DCDC2C: variants seen among roughly 807,000 people sequenced by gnomAD.
The protein encoded by DCDC2C is doublecortin domain-containing protein 2C.
Under a neutral mutation model 45.0 loss-of-function variants are expected in DCDC2C, and 44 were observed. That is an observed-to-expected ratio of 0.98 (90% CI 0.77 to 1.26). DCDC2C has a LOEUF of 1.26. Among genes scored for constraint, DCDC2C ranks in the 50% most tolerant of loss-of-function variants. The pLI, the probability that DCDC2C is intolerant of heterozygous loss-of-function variation, is 0.00. For missense variants in DCDC2C, 447 were observed against 468.9 expected (o/e 0.95, Z 0.43); for synonymous variants, 187 against 178.8 (o/e 1.05, Z -0.37).
chr2:3,741,072 C>T (rs1669191703), intron 3 of DCDC2C, among the ~76,000 whole-genome samples: 2 of 152,142 alleles, frequency 1.3e-5, no homozygotes, highest in South Asian at 4.1e-4. Flanking sequence ...TTGATTATGG[C>T]ATAGTCTCAT....
chr2:3,792,423 C>T (rs1670838083), intron 10 of DCDC2C, among the ~76,000 whole-genome samples: 1 of 152,076 alleles, frequency 6.6e-6, no homozygotes, highest in Non-Finnish European at 1.5e-5. Flanking sequence ...AATGCACAAG[C>T]CATTGTAGTC....
chr2:3,789,183 G>A (rs938949910), intron 10 of DCDC2C, among the ~76,000 whole-genome samples: 1 of 152,098 alleles, frequency 6.6e-6, no homozygotes, highest in Non-Finnish European at 1.5e-5. Flanking sequence ...AAAATAGTGG[G>A]TTTTGTCTAC....
intron 3 of DCDC2C, among the ~76,000 whole-genome samples, chr2:3,738,123 A>G (rs1001627059): frequency 1.3e-5 from 2 of 152,202 alleles, no homozygotes; most frequent in Non-Finnish European, 2.9e-5. Context: ...TTGTTAGAAA[A>G]ATAAGTCAAC....
At chr2:3,738,657 A>G (rs1309965697) in intron 3 of DCDC2C, among the ~76,000 whole-genome samples, 1 of 150,182 alleles carries the variant, frequency 6.7e-6, no homozygotes, top group African/African-American at 2.5e-5. Context: ...AGGATGGGCC[A>G]TGCGTGATCA....
intron 10 of DCDC2C, among the ~76,000 whole-genome samples, chr2:3,795,084 A>G (rs545063776): frequency 0.19 from 28,379 of 149,926 alleles, 2,795 homozygotes; most frequent in East Asian, 0.23. Flanking sequence ...GTATCTCATT[A>G]TGGTTTTGAT....
intron 8 of DCDC2C, among the ~76,000 whole-genome samples, chr2:3,772,840 G>T (rs1670213347): frequency 6.6e-6 from 1 of 152,204 alleles, no homozygotes; most frequent in South Asian, 2.1e-4. Context: ...TTATGGGCAG[G>T]TGTTGGGAAG....
At chr2:3,771,106 G>T (rs1270047127) in intron 8 of DCDC2C, among the ~76,000 whole-genome samples, 5 of 152,242 alleles carry the variant, frequency 3.3e-5, no homozygotes, top group Non-Finnish European at 7.3e-5. Context: ...TGGATAGGAA[G>T]ACCCCCTGAG....
At chr2:3,832,397 G>T (rs920554922) in intron 10 of DCDC2C, among the ~76,000 whole-genome samples, 2 of 152,200 alleles carry the variant, frequency 1.3e-5, no homozygotes, top group African/African-American at 4.8e-5. Flanking sequence ...CGTCTCCTTT[G>T]CACTTTCTCT....
At chr2:3,791,137 AAG>A (rs1670799719) in intron 10 of DCDC2C, among the ~76,000 whole-genome samples, 1 of 152,142 alleles carries the variant, frequency 6.6e-6, no homozygotes, top group Non-Finnish European at 1.5e-5. Context: ...GTGGTTCTAG[AAG>A]TAGAAAGCTT....
At chr2:3,803,051 G>A (rs1043128328) in intron 10 of DCDC2C, among the ~76,000 whole-genome samples, 1 of 152,176 alleles carries the variant, frequency 6.6e-6, no homozygotes, top group Non-Finnish European at 1.5e-5. Context: ...TTTGTGACTA[G>A]TTCCATGTGA....
intron 10 of DCDC2C, among the ~76,000 whole-genome samples, chr2:3,822,503 C>G (rs1246411613): frequency 6.6e-6 from 1 of 151,292 alleles, no homozygotes; most frequent in Non-Finnish European, 1.5e-5. Flanking sequence ...TTAGTGTTCT[C>G]TTTTTTTCTT....
At chr2:3,836,573 C>T (rs143019099) in intron 10 of DCDC2C, among the ~76,000 whole-genome samples, 3 of 152,316 alleles carry the variant, frequency 2.0e-5, no homozygotes, top group East Asian at 1.9e-4. Flanking sequence ...TTAAAGAGTA[C>T]ACTGGTCGGC....
intron 4 of DCDC2C, among the ~76,000 whole-genome samples, chr2:3,744,850 G>A (rs550191832): frequency 2.9e-4 from 44 of 152,126 alleles, no homozygotes; most frequent in Non-Finnish European, 5.6e-4. Context: ...AGTCTGTACC[G>A]GGAATACCTC....
chr2:3,808,019 G>T (rs968220311), intron 10 of DCDC2C, among the ~76,000 whole-genome samples: 19 of 152,182 alleles, frequency 1.2e-4, no homozygotes, highest in African/African-American at 4.6e-4. Flanking sequence ...ATCCATTGAT[G>T]TAAAGGTTGT....
chr2:3,729,547 A>C (rs1668797120), intron 3 of DCDC2C, among the ~76,000 whole-genome samples: 1 of 152,180 alleles, frequency 6.6e-6, no homozygotes, highest in African/African-American at 2.4e-5. Context: ...GAAAAGTACA[A>C]AGAGTTGGTC....
chr2:3,759,746 C>G (rs1245575338), intron 6 of DCDC2C, among the ~76,000 whole-genome samples: 2 of 152,196 alleles, frequency 1.3e-5, no homozygotes, highest in African/African-American at 4.8e-5. Context: ...TTTTCGATGT[C>G]AAGTCAAATT....
At chr2:3,800,016 C>T (rs961778678) in intron 10 of DCDC2C, among the ~76,000 whole-genome samples, 10 of 152,322 alleles carry the variant, frequency 6.6e-5, no homozygotes, top group African/African-American at 2.4e-4. Context: ...TAGCAATCAG[C>T]AAGACTCCGT....
At chr2:3,821,600 T>A (rs1260846552) in intron 10 of DCDC2C, among the ~76,000 whole-genome samples, 2 of 152,256 alleles carry the variant, frequency 1.3e-5, no homozygotes, top group Non-Finnish European at 2.9e-5. Flanking sequence ...GATGTTGAAT[T>A]TTGTAAAATG....
Position 3,767,809 on chromosome 2 carries a change from A to G in DCDC2C, c.782A>G (p.Gln261Arg). The G allele has an allele frequency of 6.5e-7, 1 of 1,549,276 alleles. No homozygotes were observed. Among genetic ancestry groups the G allele is most frequent in the East Asian group, 2.4e-5 (1 of 40,860 alleles). Reference protein sequence around the residue: ...CKYDGIPPKTQDSVYYAKEEK... With the variant: ...CKYDGIPPKTRDSVYYAKEEK... ...TATGATGGCATACCCCCTAAAACAC[A>G]GGATTCTGTTTATTATGCCAAAGAA... The change falls in exon 7 of 11, where the codon CAG (glutamine) becomes CGG (arginine). Residue 261 changes from glutamine to arginine, a missense_variant. Gln to Arg is a conservative substitution (Grantham distance 43). Coordinates refer to ENST00000399143, the MANE Select transcript of DCDC2C (RefSeq NM_001287444.2).
Sources: gnomAD v4.1 joint callset for allele counts (sites outside exome capture counted in the v4.1 genomes callset) on GRCh38, gnomAD v4.1.1 for gene constraint, MANE v1.5 for transcripts, NCBI Gene and HGNC (gene_info 2026-07-23, HGNC 2026-07-21) for gene names.